Variants in USP46 observed in about 807,000 individuals in gnomAD.
USP46 encodes the protein ubiquitin specific peptidase 46.
In USP46, 12 loss-of-function variants were observed where a neutral mutation model predicts 44.4. The ratio of observed to expected loss-of-function variants is 0.27; its 90% confidence interval spans 0.17 to 0.44. The LOEUF is 0.44. Ranked by LOEUF, USP46 falls within the 20% of genes least tolerant of loss-of-function variation. USP46 has a pLI of 1.00. For missense variants in USP46, 248 were observed against 444.8 expected (o/e 0.56, Z 3.98); for synonymous variants, 155 against 161.5 (o/e 0.96, Z 0.31).
At chr4:52,618,819 C>T (rs532464411) in intron 4 of USP46, among the ~76,000 whole-genome samples, 23 of 152,300 alleles carry the variant, frequency 1.5e-4, no homozygotes, top group African/African-American at 5.3e-4. Context: ...CTCCTATCTG[C>T]GAAAGCCTCA....
In USP46 at chr4:52,593,038, C is replaced by A; in HGVS notation, c.*4602G>T. On this transcript the variant is annotated 3_prime_UTR_variant, in exon 9 of 9. Transcript: ENST00000441222. ...CTTTTCTTCAGAAATGACCCACGCT[C>A]AGGTATGTCTTTATAGCACTGCCAG... 5.0e-6 allele frequency: 2 copies of A among 397,964 alleles called. No homozygotes were observed. The highest frequency in any genetic ancestry group is 2.6e-4 in the South Asian group (2 of 7,548). The allele number at this position is 397,964 out of a possible 1,614,324, so 24.7% of individuals were successfully genotyped here.
chr4:52,632,985 A>AGAG (rs760910750), intron 1 of USP46, among the ~76,000 whole-genome samples: 1 of 53,292 alleles, frequency 1.9e-5, no homozygotes, highest in Admixed American at 2.0e-4. Context: ...AGAAAGAAAG[A>AGAG]AAAGAAAAGA....
intron 1 of USP46, among the ~76,000 whole-genome samples, chr4:52,654,175 C>A (rs140378450): frequency 6.6e-6 from 1 of 152,174 alleles, no homozygotes; most frequent in African/African-American, 2.4e-5. Context: ...AATTTCTTTT[C>A]TTTAAACATT....
At chr4:52,608,178 C>T (rs115611034) in intron 5 of USP46, among the ~76,000 whole-genome samples, 5,328 of 152,292 alleles carry the variant, frequency 0.035, 146 homozygotes, top group South Asian at 0.076. Flanking sequence ...AAGCCTTATG[C>T]AAATATTTTA....
chr4:52,619,902 AAC>A (rs1231691983), intron 4 of USP46, among the ~76,000 whole-genome samples: 1 of 152,142 alleles, frequency 6.6e-6, no homozygotes, highest in Non-Finnish European at 1.5e-5. Flanking sequence ...CCAGAGAAAA[AAC>A]ACTCTTGCCT....
At chr4:52,653,726 G>A (rs563762468) in intron 1 of USP46, among the ~76,000 whole-genome samples, 6 of 152,154 alleles carry the variant, frequency 3.9e-5, no homozygotes, top group African/African-American at 1.4e-4. Context: ...GGCTTCATGG[G>A]TAAGCTAGAG....
rs1324936691 is a variant in USP46 at position 52,594,633 on chromosome 4, A to G, written c.*3007T>C. ...ATGTTGAAAGATAAAATCCATCTGT[A>G]ATAAAGCTACACTCCAATATCTAAA... On this transcript the variant is annotated 3_prime_UTR_variant, in exon 9 of 9. Coordinates refer to ENST00000441222, the MANE Select transcript of USP46 (RefSeq NM_022832.4). The G allele has an allele frequency of 6.6e-6, 1 of 152,226 alleles. No individual in the cohort carries two copies. The highest frequency in any genetic ancestry group is 1.5e-5 in the Non-Finnish European group (1 of 68,038). 9.4% of individuals were successfully genotyped at this position (152,226 alleles called of 1,614,324 possible).
Position 52,628,128 on chromosome 4 carries a change from C to T in USP46, c.153G>A (p.Gln51=), listed in dbSNP as rs769498701. 1.9e-6 allele frequency: 3 copies of T among 1,613,890 alleles called. No homozygotes were observed. The South Asian group carries it at 3.3e-5, about 18-fold the overall frequency. The change falls in exon 3 of 9, where the codon CAG becomes CAA. Residue 51 remains glutamine, a synonymous_variant. Transcript: ENST00000441222. ...GGAATGGACGGCAGAAGTACAATGC[C>T]TGAAGCACGGAGTTACAGTAGCATG... ...GNTCYCNSVL[Q]ALYFCRPFRE...
At position 52,595,902 on chromosome 4, in the gene USP46, T is replaced by C. The variant is rs1716219477; in HGVS notation, c.*1738A>G. The C allele has an allele frequency of 6.6e-6, 1 of 152,592 alleles. No homozygotes were observed. The highest frequency in any genetic ancestry group is 6.6e-5 in the Admixed American group (1 of 15,266). The allele number at this position is 152,592 out of a possible 1,614,324, so 9.5% of individuals were successfully genotyped here. A position where few individuals can be genotyped will look rare whatever the true frequency, so the allele number is the denominator to read the frequency against. On this transcript the variant is annotated 3_prime_UTR_variant, in exon 9 of 9. Coordinates refer to ENST00000441222, the MANE Select transcript of USP46 (RefSeq NM_022832.4). ...CACCTTCCAGGTAGTGATTACTGCG[T>C]AAGTTTCATGGAGGAAAAAAAAATA...
intron 4 of USP46, among the ~76,000 whole-genome samples, chr4:52,615,309 G>A (rs1409386500): frequency 6.6e-6 from 1 of 152,046 alleles, no homozygotes; most frequent in African/African-American, 2.4e-5. Context: ...TATATATAAA[G>A]ACACAGGTTG....
chr4:52,640,254 G>A (rs2109653061), intron 1 of USP46, among the ~76,000 whole-genome samples: 1 of 152,228 alleles, frequency 6.6e-6, no homozygotes, highest in East Asian at 1.9e-4. Context: ...TACTGTAAAT[G>A]TGGTTCATTC....
intron 1 of USP46, among the ~76,000 whole-genome samples, chr4:52,631,971 A>G (rs1717842141): frequency 6.6e-6 from 1 of 151,404 alleles, no homozygotes; most frequent in African/African-American, 2.4e-5. Context: ...GTGCCACTGC[A>G]CTCCAGCCTG....
chr4:52,639,410 T>C (rs1168028895), intron 1 of USP46, among the ~76,000 whole-genome samples: 1 of 152,174 alleles, frequency 6.6e-6, no homozygotes, highest in Non-Finnish European at 1.5e-5. Flanking sequence ...GGTCCTTTTA[T>C]CTTGTTGCAC....
Position 52,657,384 on chromosome 4 carries a change from G to A in USP46, c.36+1731C>T, listed in dbSNP as rs376211089. Reference sequence around the variant, plus strand: ...CTGAGGGTGGGTGGGGGGACGCGTGGGGGGAGGTTGGGGGCTGGCTTCCTC... The same window carrying A: ...CTGAGGGTGGGTGGGGGGACGCGTGAGGGGAGGTTGGGGGCTGGCTTCCTC... On this transcript the variant is annotated intron_variant, in intron 1 of 8. Transcript: ENST00000441222. Among the ~76,000 whole-genome samples the A allele has an allele frequency of 6.6e-5, 10 of 152,174 alleles. No individual in the cohort carries two copies. The East Asian group carries it at 1.4e-3, about 21-fold the overall frequency.
At chr4:52,621,108 A>G (rs1717357565) in intron 4 of USP46, among the ~76,000 whole-genome samples, 1 of 152,246 alleles carries the variant, frequency 6.6e-6, no homozygotes, top group South Asian at 2.1e-4. Flanking sequence ...AGTTCTATCA[A>G]ACATTCAAAG....
intron 1 of USP46, among the ~76,000 whole-genome samples, chr4:52,632,918 G>GAGAAAGAAAGAAAGAAAAAAGAAAGAA (rs1717900966): frequency 2.8e-5 from 1 of 35,176 alleles, no homozygotes; most frequent in Non-Finnish European, 6.3e-5. Flanking sequence ...AAGAAAGAAA[G>GAGAAAGAAAGAAAGAAAAAAGAAAGAA]AGAAAGAAAG....
intron 4 of USP46, among the ~76,000 whole-genome samples, chr4:52,612,031 G>T (rs1252815073): frequency 6.6e-6 from 1 of 152,146 alleles, no homozygotes; most frequent in Non-Finnish European, 1.5e-5. Context: ...TGTAAAGTGG[G>T]GACAACAAGA....
At chr4:52,632,990 A>AAAGAAAGAAAG in intron 1 of USP46, among the ~76,000 whole-genome samples, 23 of 66,326 alleles carry the variant, frequency 3.5e-4, no homozygotes, top group African/African-American at 8.5e-4. Context: ...GAAAGAAAAG[A>AAAGAAAGAAAG]AAAGAAAGAA....
chr4:52,636,419 C>T (rs754081335), intron 1 of USP46, among the ~76,000 whole-genome samples: 3 of 152,058 alleles, frequency 2.0e-5, no homozygotes, highest in Non-Finnish European at 4.4e-5. Flanking sequence ...ATTTAAGACA[C>T]TAAGTTGGCC....
Sources: gnomAD v4.1 joint callset for allele counts (sites outside exome capture counted in the v4.1 genomes callset) on GRCh38, gnomAD v4.1.1 for gene constraint, MANE v1.5 for transcripts, NCBI Gene and HGNC (gene_info 2026-07-23, HGNC 2026-07-21) for gene names.